Variants in COL25A1 observed in about 807,000 individuals in gnomAD.
The protein encoded by COL25A1 is collagen type XXV alpha 1 chain.
Under a neutral mutation model 128.4 loss-of-function variants are expected in COL25A1, and 103 were observed. The observed-to-expected ratio is 0.80, with a 90% CI of 0.68 to 0.94. The LOEUF (loss-of-function observed/expected upper bound fraction) is 0.94, where lower values mean the gene tolerates loss of function less well. Among genes scored for constraint, COL25A1 ranks in the 40% least tolerant of loss-of-function variants. The pLI is 0.00. For missense variants in COL25A1, 745 were observed against 840.0 expected, an observed-to-expected ratio of 0.89 and a Z score of 1.40; for synonymous variants, 279 against 277.2, an observed-to-expected ratio of 1.01 and a Z score of -0.06.
chr4:109,201,702 T>G lies in COL25A1; in HGVS notation c.367+98881A>C, dbSNP rs367798116. Among the ~76,000 whole-genome samples the G allele has an allele frequency of 2.6e-5, 4 of 152,256 alleles. No individual in the cohort carries two copies. In the East Asian group the frequency reaches 7.7e-4, roughly 29 times the overall value. The stretch of plus-strand genomic sequence containing the variant: ...CTGGGAAGGAAAACTTACAACTGTC[T>G]TTTCCACAGATTATATAATTGTTAA... On this transcript the variant is annotated intron_variant, in intron 3 of 37. Transcript: ENST00000399132.
intron 3 of COL25A1, among the ~76,000 whole-genome samples, chr4:109,151,669 G>T (rs1771519040): frequency 6.6e-6 from 1 of 151,984 alleles, no homozygotes; most frequent in South Asian, 2.1e-4. Context: ...CACACTGTCG[G>T]TACATACAAA....
chr4:109,218,366 T>TGTTTG (rs1560887241), intron 3 of COL25A1, among the ~76,000 whole-genome samples: 1 of 134,036 alleles, frequency 7.5e-6, no homozygotes, highest in African/African-American at 3.0e-5. Flanking sequence ...GGTTTTTTTT[T>TGTTTG]TTTTTTTTTT....
intron 16 of COL25A1, among the ~76,000 whole-genome samples, chr4:108,891,903 T>G (rs1354784118): frequency 6.6e-6 from 1 of 152,030 alleles, no homozygotes; most frequent in Non-Finnish European, 1.5e-5. Context: ...AAAAAGTGGA[T>G]GGAAAGAAAA....
At chr4:109,129,728 G>A (rs1768987779) in intron 3 of COL25A1, among the ~76,000 whole-genome samples, 1 of 152,148 alleles carries the variant, frequency 6.6e-6, no homozygotes, top group African/African-American at 2.4e-5. Context: ...GGCAACCAAT[G>A]TGGCACCCAT....
At chr4:108,835,477 C>T (rs1223142034) in intron 31 of COL25A1, among the ~76,000 whole-genome samples, 2 of 152,102 alleles carry the variant, frequency 1.3e-5, no homozygotes, top group African/African-American at 4.8e-5. Context: ...ATTCTACATA[C>T]ATTTTGAGTA....
chr4:109,221,563 T>G (rs1407097179), intron 3 of COL25A1, among the ~76,000 whole-genome samples: 1 of 152,190 alleles, frequency 6.6e-6, no homozygotes, highest in Non-Finnish European at 1.5e-5. Context: ...GCATATCTGT[T>G]GTAACAAGAA....
chr4:109,232,280 A>G (rs944142065), intron 3 of COL25A1, among the ~76,000 whole-genome samples: 2 of 152,188 alleles, frequency 1.3e-5, no homozygotes, highest in Non-Finnish European at 2.9e-5. Flanking sequence ...CATCATACGA[A>G]TTGATTTTCT....
chr4:108,979,100 A>T (rs1434104092), intron 6 of COL25A1, among the ~76,000 whole-genome samples: 1 of 152,184 alleles, frequency 6.6e-6, no homozygotes, highest in Non-Finnish European at 1.5e-5. Context: ...CCTACACCAA[A>T]GGATTTCTAA....
At chr4:109,212,096 A>G (rs751580500) in intron 3 of COL25A1, among the ~76,000 whole-genome samples, 1 of 152,146 alleles carries the variant, frequency 6.6e-6, no homozygotes, top group Non-Finnish European at 1.5e-5. Context: ...TGGAAGACCA[A>G]TTACACAGAA....
intron 3 of COL25A1, among the ~76,000 whole-genome samples, chr4:109,183,180 T>C (rs889961150): frequency 6.6e-6 from 1 of 151,950 alleles, no homozygotes; most frequent in African/African-American, 2.4e-5. Flanking sequence ...ACAAACACAT[T>C]AAAGGAAATT....
At chr4:109,286,733 C>T (rs1723927929) in intron 3 of COL25A1, among the ~76,000 whole-genome samples, 1 of 152,056 alleles carries the variant, frequency 6.6e-6, no homozygotes, top group Non-Finnish European at 1.5e-5. Context: ...AAAGAAGTAA[C>T]CAACCCAAAA....
intron 19 of COL25A1, among the ~76,000 whole-genome samples, chr4:108,869,579 T>C (rs534637571): frequency 6.6e-6 from 1 of 152,232 alleles, no homozygotes; most frequent in Non-Finnish European, 1.5e-5. Flanking sequence ...TAGGATCGAA[T>C]TGTAGGACAC....
intron 3 of COL25A1, among the ~76,000 whole-genome samples, chr4:109,084,918 C>T (rs1764219442): frequency 6.6e-6 from 1 of 152,176 alleles, no homozygotes; most frequent in Non-Finnish European, 1.5e-5. Context: ...TTCTTTCTTG[C>T]ATTTTAATTT....
chr4:109,008,732 T>G (rs1185085070), intron 6 of COL25A1, among the ~76,000 whole-genome samples: 3 of 147,796 alleles, frequency 2.0e-5, no homozygotes, highest in African/African-American at 7.7e-5. Context: ...TGTTTCTGTA[T>G]GTTTATACAC....
At chr4:108,942,386 C>A in intron 8 of COL25A1, 1 of 855,490 alleles carries the variant, frequency 1.2e-6, no homozygotes, top group Non-Finnish European at 1.9e-6. Flanking sequence ...ACTTAGAAGT[C>A]TTGCCTCATC....
At chr4:109,060,025 T>C (rs1420867311) in intron 3 of COL25A1, among the ~76,000 whole-genome samples, 1 of 152,218 alleles carries the variant, frequency 6.6e-6, no homozygotes, top group African/African-American at 2.4e-5. Flanking sequence ...TACATGACTT[T>C]GGACAAATTA....
chr4:109,017,013 A>T (rs975500676), intron 5 of COL25A1, among the ~76,000 whole-genome samples: 1 of 152,182 alleles, frequency 6.6e-6, no homozygotes, highest in Non-Finnish European at 1.5e-5. Context: ...CCCTTCAGGG[A>T]GCCCAGACCT....
rs552097964 is a variant in COL25A1 at position 109,226,673 on chromosome 4, A to T, written c.367+73910T>A. On this transcript the variant is annotated intron_variant, in intron 3 of 37. Coordinates refer to ENST00000399132, the MANE Select transcript of COL25A1 (RefSeq NM_198721.4). The stretch of plus-strand genomic sequence containing the variant: ...CCTAAAATCATAATCCTAAAAGATC[A>T]AAATCTCAAAAATATAATTCTGGGG... 5.3e-5 allele frequency among the ~76,000 whole-genome samples: 8 copies of T among 152,288 alleles called. No homozygotes were observed. The South Asian group carries it at 1.5e-3, about 28-fold the overall frequency.
At chr4:108,962,803 G>T (rs1217883227) in intron 8 of COL25A1, among the ~76,000 whole-genome samples, 1 of 152,034 alleles carries the variant, frequency 6.6e-6, no homozygotes, top group Non-Finnish European at 1.5e-5. Flanking sequence ...GATCAATAAA[G>T]GTTTCTCTCA....
Sources: allele counts gnomAD v4.1 joint callset (sites outside exome capture counted in the v4.1 genomes callset), GRCh38; gene constraint gnomAD v4.1.1; transcripts MANE v1.5; gene names NCBI Gene and HGNC (gene_info 2026-07-23, HGNC 2026-07-21).